The following LRIG3 variants were observed in gnomAD, a reference collection of about 807,000 sequenced individuals.
The protein encoded by LRIG3 is leucine-rich repeats and immunoglobulin-like domains protein 3.
In LRIG3, 76 loss-of-function variants were observed where a neutral mutation model predicts 114.5. The ratio of observed to expected loss-of-function variants is 0.66; its 90% CI spans 0.55 to 0.80. The LOEUF (loss-of-function observed/expected upper bound fraction) is 0.80, where lower values mean the gene tolerates loss of function less well. LRIG3 is among the 30% of genes least tolerant of loss of function. The pLI, the probability that LRIG3 is intolerant of heterozygous loss-of-function variation, is 0.00. For synonymous variants in LRIG3, 512 were observed against 519.8 expected (o/e 0.98, Z 0.20); for missense variants, 1,239 against 1,382.8 (o/e 0.90, Z 1.65).
chr12:58,877,663 T>A lies in LRIG3; in HGVS notation c.2273A>T (p.Asp758Val), dbSNP rs1254893486. ...GNQLLIIVDSDVSDAGKYTCE... is the reference protein window; with the variant it reads ...GNQLLIIVDSVVSDAGKYTCE... ...TGTGTATTTCCCAGCATCACTGACA[T>A]CTGAGTCCACAATAATCAGAAGCTG... is the stretch of plus-strand genomic sequence containing the variant. Residue 758 changes from aspartate (D) to valine (V), a missense_variant, in exon 15 of 19, where the codon GAT becomes GTT. Physicochemically the swap from Asp to Val is radical, Grantham distance 152. Transcript: ENST00000320743. 16 of 1,614,058 alleles carry A rather than the reference T, an allele frequency of 9.9e-6. No individual in the cohort carries two copies. Among genetic ancestry groups the A allele is most frequent in the Non-Finnish European group, 1.3e-5 (15 of 1,180,038 alleles).
In LRIG3 at chr12:58,910,336, G is replaced by A. The variant is rs182071700; in HGVS notation, c.383+3646C>T. On this transcript the variant is annotated intron_variant, in intron 3 of 18. Coordinates refer to ENST00000320743, the MANE Select transcript of LRIG3 (RefSeq NM_153377.5). ...AATCTAACCAGCACCCTGGCAGGGC[G>A]CGGTGGCTCACGCCTTTAATCCCAG... Among the ~76,000 whole-genome samples the A allele has an allele frequency of 1.3e-3, 193 of 152,340 alleles. 1 individual carries two copies. The highest frequency in any genetic ancestry group is 4.5e-3 in the African/African-American group (185 of 41,572).
chr12:58,910,344 T>TCA (rs1386808748), intron 3 of LRIG3, among the ~76,000 whole-genome samples: 1 of 152,236 alleles, frequency 6.6e-6, no homozygotes, highest in Non-Finnish European at 1.5e-5. Context: ...GCGCGGTGGC[T>TCA]CACGCCTTTA....
intron 3 of LRIG3, among the ~76,000 whole-genome samples, chr12:58,892,454 T>C (rs933728693): frequency 1.3e-5 from 2 of 152,188 alleles, no homozygotes; most frequent in African/African-American, 2.4e-5. Flanking sequence ...ATTTCTACAG[T>C]GTTCTGAGCT....
chr12:58,876,761 C>G (rs144877942), intron 15 of LRIG3, among the ~76,000 whole-genome samples, 158 bp from the exon 16 acceptor site: 1 of 152,170 alleles, frequency 6.6e-6, no homozygotes, highest in Non-Finnish European at 1.5e-5. Context: ...TATTCTGGAA[C>G]GGCAAATTAG....
chr12:58,876,356 C>T, intron 16 of LRIG3, 89 bp downstream of exon 16: 1 of 1,420,806 alleles, frequency 7.0e-7, no homozygotes, highest in Non-Finnish European at 9.6e-7. Flanking sequence ...TCAGTGTTAT[C>T]AATGTCTTGT....
At chr12:58,903,872 T>C (rs1592307730) in intron 3 of LRIG3, among the ~76,000 whole-genome samples, 1 of 152,182 alleles carries the variant, frequency 6.6e-6, no homozygotes, top group East Asian at 1.9e-4. Context: ...GATCAGATAG[T>C]TGTAGATATG....
intron 3 of LRIG3, among the ~76,000 whole-genome samples, chr12:58,904,269 G>A (rs1213181848): frequency 2.0e-5 from 3 of 152,138 alleles, no homozygotes; most frequent in Non-Finnish European, 4.4e-5. Flanking sequence ...ATAAGGAAGA[G>A]AAGGGGGAAA....
At chr12:58,885,217 C>CA (rs1205329679) in intron 10 of LRIG3, among the ~76,000 whole-genome samples, 2 of 151,966 alleles carry the variant, frequency 1.3e-5, no homozygotes, top group Non-Finnish European at 2.9e-5. Context: ...AAGAAAACAA[C>CA]AAAAAAGAGA....
At chr12:58,899,376 T>C (rs1168650445) in intron 3 of LRIG3, among the ~76,000 whole-genome samples, 1 of 152,196 alleles carries the variant, frequency 6.6e-6, no homozygotes, top group Non-Finnish European at 1.5e-5. Flanking sequence ...TAGATAAGTG[T>C]TAGCCTTTTT....
At chr12:58,911,534 A>C (rs761505238) in intron 3 of LRIG3, among the ~76,000 whole-genome samples, 1 of 152,242 alleles carries the variant, frequency 6.6e-6, no homozygotes, top group African/African-American at 2.4e-5. Context: ...TAAAAGATAC[A>C]AACAAAAAAC....
At chr12:58,884,345 T>C (rs902692750) in intron 10 of LRIG3, among the ~76,000 whole-genome samples, 1 of 152,158 alleles carries the variant, frequency 6.6e-6, no homozygotes, top group African/African-American at 2.4e-5. Flanking sequence ...TCTGTTTTTC[T>C]TTACAGGGGT....
At position 58,914,254 on chromosome 12, in the gene LRIG3, C is replaced by G. The variant is rs531502651; in HGVS notation, c.308+11G>C. On this transcript the variant is annotated intron_variant, in intron 2 of 18. Transcript: ENST00000320743. Reference sequence around the variant, plus strand: ...TACTCAAACCTTAAAAACAAAATAACGAAGACTCACACTTCTCGAAGGCTT... The same window carrying G: ...TACTCAAACCTTAAAAACAAAATAAGGAAGACTCACACTTCTCGAAGGCTT... 5.6e-6 allele frequency: 9 copies of G among 1,612,646 alleles called. No homozygotes were observed. Among genetic ancestry groups the G allele is most frequent in the Non-Finnish European group, 7.6e-6 (9 of 1,179,074 alleles).
intron 3 of LRIG3, 95 bp from the exon 4 acceptor site, chr12:58,890,891 A>G (rs2120917638): frequency 7.9e-7 from 1 of 1,261,154 alleles, no homozygotes; most frequent in South Asian, 1.5e-5. Flanking sequence ...CTTCAGAAAT[A>G]TGGAACTGAC....
intron 8 of LRIG3, chr12:58,887,118 C>T (rs1871302012): frequency 2.1e-6 from 1 of 480,444 alleles, no homozygotes; most frequent in Non-Finnish European, 3.7e-6. Flanking sequence ...CTGACACTGG[C>T]CCTATTAATT....
intron 10 of LRIG3, among the ~76,000 whole-genome samples, chr12:58,884,496 A>G (rs1871212297): frequency 6.6e-6 from 1 of 152,210 alleles, no homozygotes. Flanking sequence ...TACTCCACTG[A>G]TCCACTAATT....
At chr12:58,916,188 T>G (rs1334821708) in intron 1 of LRIG3, among the ~76,000 whole-genome samples, 5 of 152,166 alleles carry the variant, frequency 3.3e-5, no homozygotes, top group African/African-American at 1.2e-4. Flanking sequence ...TGGGATAAGA[T>G]TCCTCCTACA....
intron 13 of LRIG3, 107 bp from the exon 14 acceptor site, chr12:58,879,212 T>G: frequency 7.8e-7 from 1 of 1,286,790 alleles, no homozygotes; most frequent in East Asian, 2.5e-5. Context: ...AGATTGTCCC[T>G]GACATAGATT....
At chr12:58,878,397 GA>G (rs199918514) in intron 14 of LRIG3, among the ~76,000 whole-genome samples, 4 of 150,736 alleles carry the variant, frequency 2.7e-5, no homozygotes, top group African/African-American at 7.3e-5. Context: ...GGTAAAAGAT[GA>G]AAAAAAAACT....
At chr12:58,919,356 G>C (rs1872587805) in intron 1 of LRIG3, 1 of 1,546,908 alleles carries the variant, frequency 6.5e-7, no homozygotes. Flanking sequence ...CTTGATTCTG[G>C]ATAATCGAGT....
Sources: gnomAD v4.1 joint callset for allele counts (sites outside exome capture counted in the v4.1 genomes callset) on GRCh38, gnomAD v4.1.1 for gene constraint, MANE v1.5 for transcripts, NCBI Gene and HGNC (gene_info 2026-07-23, HGNC 2026-07-21) for gene names.